The following GNA14 variants were observed in gnomAD, a reference collection of about 807,000 sequenced individuals.
GNA14 encodes the protein guanine nucleotide-binding protein subunit alpha-14.
In GNA14, 50 loss-of-function variants were observed where a neutral mutation model predicts 42.0. The observed-to-expected ratio is 1.19, with a 90% CI of 0.95 to 1.51. The LOEUF is 1.51. Ranked by LOEUF, GNA14 falls within the 40% of genes most tolerant of loss-of-function variation. The probability of loss-of-function intolerance (pLI) is 0.00; values close to 1 mark genes in which losing one functional copy is unlikely to be tolerated. For missense variants in GNA14, 473 were observed against 446.2 expected (o/e 1.06, Z -0.54); for synonymous variants, 173 against 163.1 (o/e 1.06, Z -0.46).
chr9:77,435,381 A>C (rs1835626677), intron 2 of GNA14, among the ~76,000 whole-genome samples: 1 of 151,996 alleles, frequency 6.6e-6, no homozygotes, highest in African/African-American at 2.4e-5. Context: ...TATTAATAAT[A>C]ATTGACTTTA....
chr9:77,580,848 G>T (rs765057721), intron 1 of GNA14, among the ~76,000 whole-genome samples: 1 of 152,166 alleles, frequency 6.6e-6, no homozygotes, highest in Non-Finnish European at 1.5e-5. Context: ...GCATGCCTCA[G>T]TAATACATGT....
intron 1 of GNA14, among the ~76,000 whole-genome samples, chr9:77,627,770 AC>A (rs1417536969): frequency 6.6e-6 from 1 of 152,122 alleles, no homozygotes; most frequent in Admixed American, 6.6e-5. Context: ...TTTATGACAA[AC>A]CCACAGCCAA....
At chr9:77,482,272 T>C (rs1261678433) in intron 2 of GNA14, among the ~76,000 whole-genome samples, 1 of 152,182 alleles carries the variant, frequency 6.6e-6, no homozygotes, top group Non-Finnish European at 1.5e-5. Flanking sequence ...CAGCATTTGC[T>C]TGTCTGTAAA....
intron 2 of GNA14, among the ~76,000 whole-genome samples, chr9:77,466,334 C>G (rs75198527): frequency 6.6e-6 from 1 of 152,134 alleles, no homozygotes; most frequent in African/African-American, 2.4e-5. Flanking sequence ...CATAATCTCT[C>G]GTTATCTCTC....
intron 5 of GNA14, among the ~76,000 whole-genome samples, chr9:77,426,470 A>T (rs999350454): frequency 6.6e-6 from 1 of 151,842 alleles, no homozygotes; most frequent in Non-Finnish European, 1.5e-5. Flanking sequence ...ACACCCGGCT[A>T]ATTTTTTGTA....
At chr9:77,599,406 G>A (rs1317297437) in intron 1 of GNA14, among the ~76,000 whole-genome samples, 3 of 152,210 alleles carry the variant, frequency 2.0e-5, no homozygotes, top group African/African-American at 7.2e-5. Flanking sequence ...CTGGGATTCT[G>A]AGCATCCCTG....
At position 77,513,589 on chromosome 9, in the gene GNA14, G is replaced by T. The variant is rs768896039; in HGVS notation, c.309+15480C>A. Among the ~76,000 whole-genome samples the T allele has an allele frequency of 3.4e-4, 52 of 152,314 alleles. 1 individual carries two copies. Among genetic ancestry groups the T allele is most frequent in the Admixed American group, 2.7e-3 (41 of 15,298 alleles). On this transcript the variant is annotated intron_variant, in intron 2 of 6. Coordinates refer to ENST00000341700, the MANE Select transcript of GNA14 (RefSeq NM_004297.4). ...ACTGTGATGGGTCTATGACACAGGG[G>T]ACACACTCAATAATTCCGTGAGGAG...
intron 1 of GNA14, among the ~76,000 whole-genome samples, chr9:77,546,042 C>A (rs1361889245): frequency 1.3e-5 from 2 of 151,784 alleles, no homozygotes; most frequent in East Asian, 3.9e-4. Flanking sequence ...ACAGCGAAAC[C>A]CCGTCTCTAA....
chr9:77,457,933 T>C (rs1370996127), intron 2 of GNA14, among the ~76,000 whole-genome samples: 1 of 152,160 alleles, frequency 6.6e-6, no homozygotes, highest in Non-Finnish European at 1.5e-5. Context: ...CTCTTTTCAA[T>C]TGCTTGAAAA....
chr9:77,587,495 G>C (rs1823324195), intron 1 of GNA14, among the ~76,000 whole-genome samples: 2 of 152,186 alleles, frequency 1.3e-5, no homozygotes, highest in South Asian at 4.1e-4. Context: ...ACTGGCACAT[G>C]CTACAACATG....
chr9:77,528,910 G>T (rs988455519), intron 2 of GNA14, among the ~76,000 whole-genome samples, 159 bp downstream of exon 2: 5 of 152,042 alleles, frequency 3.3e-5, no homozygotes, highest in Non-Finnish European at 7.4e-5. Context: ...GAAGACCGGG[G>T]GCTAACTAAA....
chr9:77,425,237 A>G (rs559083384), intron 6 of GNA14, among the ~76,000 whole-genome samples: 1 of 152,174 alleles, frequency 6.6e-6, no homozygotes, highest in Non-Finnish European at 1.5e-5. Context: ...AGGAGGAGGC[A>G]CCCTTCCTGC....
intron 2 of GNA14, among the ~76,000 whole-genome samples, chr9:77,496,736 G>C (rs1303026262): frequency 1.3e-5 from 2 of 152,190 alleles, no homozygotes; most frequent in Non-Finnish European, 2.9e-5. Flanking sequence ...GATTAACAAT[G>C]TACCTCTTCA....
At chr9:77,575,303 A>G (rs538035434) in intron 1 of GNA14, among the ~76,000 whole-genome samples, 2 of 152,144 alleles carry the variant, frequency 1.3e-5, no homozygotes, top group Non-Finnish European at 2.9e-5. Flanking sequence ...AACAGCTTGA[A>G]CCTGGAAGGC....
intron 1 of GNA14, among the ~76,000 whole-genome samples, chr9:77,623,568 TA>T (rs1823967266): frequency 6.6e-6 from 1 of 152,122 alleles, no homozygotes; most frequent in African/African-American, 2.4e-5. Context: ...CAAACTAAGG[TA>T]CCTGGCTCAT....
chr9:77,542,367 G>A (rs773680872), intron 1 of GNA14, among the ~76,000 whole-genome samples: 2 of 152,218 alleles, frequency 1.3e-5, no homozygotes, highest in Non-Finnish European at 2.9e-5. Context: ...AGTCTGTGGT[G>A]AAGTTTTACT....
At chr9:77,510,750 T>G (rs1332570819) in intron 2 of GNA14, among the ~76,000 whole-genome samples, 1 of 152,142 alleles carries the variant, frequency 6.6e-6, no homozygotes, top group Non-Finnish European at 1.5e-5. Flanking sequence ...TTTGGCCCTT[T>G]TCGTATCAGG....
At chr9:77,439,897 T>A (rs1835702962) in intron 2 of GNA14, among the ~76,000 whole-genome samples, 1 of 152,122 alleles carries the variant, frequency 6.6e-6, no homozygotes, top group South Asian at 2.1e-4. Flanking sequence ...GGGTGGGGCA[T>A]GTGCTGAGTC....
At chr9:77,617,949 ACT>A (rs1166898240) in intron 1 of GNA14, among the ~76,000 whole-genome samples, 3 of 151,842 alleles carry the variant, frequency 2.0e-5, no homozygotes, top group Non-Finnish European at 4.4e-5. Flanking sequence ...TCCAGCCTCC[ACT>A]CTCTAATCTC....
Sources: gnomAD v4.1 joint callset for allele counts (sites outside exome capture counted in the v4.1 genomes callset) on GRCh38, gnomAD v4.1.1 for gene constraint, MANE v1.5 for transcripts, NCBI Gene and HGNC (gene_info 2026-07-23, HGNC 2026-07-21) for gene names.